The following CSE1L variants were observed in gnomAD, a reference collection of about 807,000 sequenced individuals.
CSE1L encodes exportin-2.
CSE1L carries 24 observed loss-of-function variants against 120.4 expected under a neutral mutation model. The observed-to-expected ratio is 0.20, with a 90% CI of 0.14 to 0.28. The LOEUF is 0.28. Among genes scored for constraint, CSE1L ranks in the 10% least tolerant of loss-of-function variants. The pLI is 1.00. For synonymous variants in CSE1L, 402 were observed against 398.3 expected, an observed-to-expected ratio of 1.01 and a Z score of -0.11; for missense variants, 830 against 1,145.2, an observed-to-expected ratio of 0.72 and a Z score of 3.97.
Position 49,072,338 on chromosome 20 carries a change from A to G in CSE1L, c.821A>G (p.Asn274Ser), listed in dbSNP as rs2091938571. 2 of 1,614,168 alleles carry G rather than the reference A, an allele frequency of 1.2e-6. No homozygotes were observed. The highest frequency in any genetic ancestry group is 1.7e-6 in the Non-Finnish European group (2 of 1,180,024). ...CTCTTAAAATCCCAGATTTGTGATA[A>G]TGCCGCACTCTATGCACAAAAGTAC... The part of the protein sequence containing the change: ...LELLKSQICD[N>S]AALYAQKYDE... The change falls in exon 9 of 25, where the codon AAT becomes AGT. Residue 274 changes from asparagine (N) to serine (S), a missense_variant. Transcript: ENST00000262982.
At chr20:49,058,987 C>T (rs940874285) in intron 2 of CSE1L, among the ~76,000 whole-genome samples, 1 of 151,996 alleles carries the variant, frequency 6.6e-6, no homozygotes, top group African/African-American at 2.4e-5. Context: ...AAAAATTAGC[C>T]GGGCGTGGTG....
chr20:49,084,431 T>C (rs2092037731), intron 15 of CSE1L, among the ~76,000 whole-genome samples: 1 of 152,134 alleles, frequency 6.6e-6, no homozygotes, highest in Admixed American at 6.6e-5. Flanking sequence ...TATATAGTAG[T>C]CCAAGAAACT....
Position 49,073,335 on chromosome 20 carries a change from C to T in CSE1L, c.1066+638C>T, listed in dbSNP as rs574106365. Reference sequence around the variant, plus strand: ...GAAATAGCTGTTTTTAAACAATCGACTTGAGAATAGAAATGATAACTTTAT... The same window carrying T: ...GAAATAGCTGTTTTTAAACAATCGATTTGAGAATAGAAATGATAACTTTAT... On this transcript the variant is annotated intron_variant, in intron 10 of 24. Transcript: ENST00000262982. Among the ~76,000 whole-genome samples the T allele has an allele frequency of 1.9e-4, 29 of 152,086 alleles. 1 individual carries two copies. Among genetic ancestry groups the T allele is most frequent in the Non-Finnish European group, 2.9e-4 (20 of 68,022 alleles).
chr20:49,063,420 A>G (rs1568767934), intron 3 of CSE1L, 76 bp downstream of exon 3: 1 of 1,006,342 alleles, frequency 9.9e-7, no homozygotes. Context: ...CTTCAAAGAT[A>G]AGGCACGTGC....
chr20:49,055,040 G>A (rs972711216), intron 1 of CSE1L, among the ~76,000 whole-genome samples: 12 of 152,290 alleles, frequency 7.9e-5, no homozygotes, highest in South Asian at 2.1e-4. Flanking sequence ...GATTCATTTG[G>A]CACTTCAGAG....
intron 19 of CSE1L, 84 bp downstream of exon 19, chr20:49,089,830 T>A: frequency 7.6e-7 from 1 of 1,314,364 alleles, no homozygotes; most frequent in East Asian, 2.5e-5. Context: ...TTTTTTTATT[T>A]AAAATAAATT....
intron 1 of CSE1L, among the ~76,000 whole-genome samples, chr20:49,053,156 T>C (rs1399375802): frequency 1.3e-3 from 80 of 59,868 alleles, no homozygotes; most frequent in African/African-American, 4.9e-3. Flanking sequence ...TCTTTTTTTT[T>C]TTTTTTTTTT....
chr20:49,054,764 A>G (rs958049048), intron 1 of CSE1L, among the ~76,000 whole-genome samples: 2 of 152,178 alleles, frequency 1.3e-5, no homozygotes, highest in African/African-American at 2.4e-5. Flanking sequence ...TTCCCCATAC[A>G]TTAAATCATG....
intron 21 of CSE1L, 35 bp downstream of exon 21, chr20:49,091,057 A>G (rs767636861): frequency 2.2e-6 from 3 of 1,347,700 alleles, no homozygotes; most frequent in East Asian, 2.3e-5. Flanking sequence ...TACAGAAGTA[A>G]TGAAAGAAGG....
intron 13 of CSE1L, among the ~76,000 whole-genome samples, chr20:49,077,727 C>T (rs781596097): frequency 8.6e-5 from 13 of 151,996 alleles, no homozygotes; most frequent in East Asian, 5.8e-4. Context: ...ATCTTTTGGC[C>T]GGGTGCGGTG....
chr20:49,065,586 ATTTTTTT>A (rs1169151375), intron 3 of CSE1L, among the ~76,000 whole-genome samples: 8 of 76,352 alleles, frequency 1.0e-4, no homozygotes, highest in Admixed American at 3.6e-4. Context: ...TAAAATGGAA[ATTTTTTT>A]TTTTTTTTTT....
chr20:49,048,027 T>C (rs2091734184), intron 1 of CSE1L, among the ~76,000 whole-genome samples: 1 of 152,152 alleles, frequency 6.6e-6, no homozygotes, highest in Non-Finnish European at 1.5e-5. Flanking sequence ...TGCACAAGTA[T>C]TATTCTTCCT....
intron 12 of CSE1L, 57 bp downstream of exon 12, chr20:49,075,577 A>T: frequency 7.3e-7 from 1 of 1,370,820 alleles, no homozygotes; most frequent in East Asian, 2.3e-5. Flanking sequence ...CACCCACACA[A>T]GTCAAAAAGA....
chr20:49,078,676 A>G (rs1018767309), intron 14 of CSE1L, 54 bp downstream of exon 14: 3 of 1,168,878 alleles, frequency 2.6e-6, no homozygotes, highest in East Asian at 2.6e-5. Flanking sequence ...GAGTTTTATT[A>G]TGTACCACCT....
At chr20:49,054,633 T>G (rs1253503569) in intron 1 of CSE1L, among the ~76,000 whole-genome samples, 1 of 152,218 alleles carries the variant, frequency 6.6e-6, no homozygotes, top group Non-Finnish European at 1.5e-5. Flanking sequence ...TGAAAACATC[T>G]AGCATCGTGT....
At chr20:49,083,306 G>A (rs1483861816) in intron 14 of CSE1L, among the ~76,000 whole-genome samples, 3 of 152,128 alleles carry the variant, frequency 2.0e-5, no homozygotes. Flanking sequence ...GGCGTGAGCC[G>A]CCACTGCGCC....
intron 2 of CSE1L, among the ~76,000 whole-genome samples, chr20:49,058,824 T>C (rs889216716): frequency 6.6e-5 from 10 of 152,148 alleles, no homozygotes; most frequent in Admixed American, 6.5e-4. Flanking sequence ...TTTTCCAAAA[T>C]ACCCACTTAA....
chr20:49,077,165 T>C, intron 13 of CSE1L, 101 bp downstream of exon 13: 1 of 722,410 alleles, frequency 1.4e-6, no homozygotes, highest in Non-Finnish European at 2.2e-6. Context: ...TTTTTTTTTT[T>C]TTTTTTTCTT....
intron 6 of CSE1L, among the ~76,000 whole-genome samples, chr20:49,068,011 T>TC (rs1183454809): frequency 1.4e-5 from 2 of 142,774 alleles, no homozygotes; most frequent in African/African-American, 5.1e-5. Flanking sequence ...CAAGCAATTC[T>TC]CCGAGTACAC....
Sources: allele counts gnomAD v4.1 joint callset (sites outside exome capture counted in the v4.1 genomes callset), GRCh38; gene constraint gnomAD v4.1.1; transcripts MANE v1.5; gene names NCBI Gene and HGNC (gene_info 2026-07-23, HGNC 2026-07-21).